The following SIL1 variants were observed in gnomAD, a reference collection of about 807,000 sequenced individuals.
SIL1 encodes the protein SIL1 nucleotide exchange factor.
In SIL1, 40 loss-of-function variants were observed where a neutral mutation model predicts 49.1. The ratio of observed to expected loss-of-function variants is 0.81; its 90% CI spans 0.63 to 1.06. The LOEUF is 1.06. Among genes scored for constraint, SIL1 ranks in the 50% least tolerant of loss-of-function variants. SIL1 has a pLI of 0.00. For missense variants in SIL1, 500 were observed against 572.6 expected, an observed-to-expected ratio of 0.87 and a Z score of 1.29; for synonymous variants, 253 against 250.8, an observed-to-expected ratio of 1.01 and a Z score of -0.08.
intron 3 of SIL1, among the ~76,000 whole-genome samples, chr5:139,084,107 G>C (rs1447181688): frequency 6.6e-6 from 1 of 150,844 alleles, no homozygotes; most frequent in Non-Finnish European, 1.5e-5. Flanking sequence ...TTTGAAGTCA[G>C]GTAGTGTGAT....
chr5:139,078,244 G>C (rs1303431937), intron 3 of SIL1, among the ~76,000 whole-genome samples: 1 of 151,980 alleles, frequency 6.6e-6, no homozygotes, highest in Non-Finnish European at 1.5e-5. Flanking sequence ...AAGAGTTTGA[G>C]ACCAGCCTGA....
intron 1 of SIL1, among the ~76,000 whole-genome samples, chr5:139,184,836 G>A (rs1308413627): frequency 6.6e-6 from 1 of 152,158 alleles, no homozygotes; most frequent in African/African-American, 2.4e-5. Flanking sequence ...GAGCAGAGAG[G>A]CCAAGCTGTC....
intron 3 of SIL1, among the ~76,000 whole-genome samples, chr5:139,069,800 T>C (rs1030757602): frequency 6.6e-6 from 1 of 152,166 alleles, no homozygotes; most frequent in African/African-American, 2.4e-5. Context: ...GAAAATTAGA[T>C]TGTCATCAGC....
At chr5:139,080,313 T>C (rs1450335207) in intron 3 of SIL1, among the ~76,000 whole-genome samples, 2 of 152,204 alleles carry the variant, frequency 1.3e-5, no homozygotes, top group Non-Finnish European at 2.9e-5. Context: ...TGTGGGCTAA[T>C]GTTGTCCTGA....
chr5:138,996,903 T>A (rs1181258883), intron 7 of SIL1, among the ~76,000 whole-genome samples: 1 of 152,150 alleles, frequency 6.6e-6, no homozygotes, highest in Non-Finnish European at 1.5e-5. Context: ...CACAAAAAAA[T>A]CTTTGCCCAG....
At chr5:139,097,634 C>T (rs1394161592) in intron 3 of SIL1, among the ~76,000 whole-genome samples, 5 of 152,004 alleles carry the variant, frequency 3.3e-5, no homozygotes, top group African/African-American at 4.8e-5. Context: ...CACGCCACTA[C>T]GCCTGGCTAA....
chr5:139,061,378 A>T (rs1225761573), intron 3 of SIL1, among the ~76,000 whole-genome samples: 1 of 152,204 alleles, frequency 6.6e-6, no homozygotes, highest in Admixed American at 6.5e-5. Flanking sequence ...AAAGGACAGG[A>T]TGTCCTCCAT....
chr5:138,999,791 G>C (rs763913523), intron 7 of SIL1, among the ~76,000 whole-genome samples: 14 of 152,130 alleles, frequency 9.2e-5, no homozygotes, highest in Non-Finnish European at 1.9e-4. Flanking sequence ...TCTGTTGTTT[G>C]GAAGGCTAAG....
chr5:139,171,895 T>C (rs890010042), intron 1 of SIL1, among the ~76,000 whole-genome samples: 3 of 151,876 alleles, frequency 2.0e-5, no homozygotes, highest in Admixed American at 6.6e-5. Context: ...GATTAAAATA[T>C]CAATAAAGAT....
intron 1 of SIL1, chr5:139,137,408 A>G (rs1750996687): frequency 5.7e-6 from 4 of 700,472 alleles, no homozygotes; most frequent in Non-Finnish European, 1.0e-5. Flanking sequence ...CTCTTTCCAT[A>G]GCCGTGCTGT....
At chr5:139,182,331 AGGAGGG>A (rs1375244095) in intron 1 of SIL1, among the ~76,000 whole-genome samples, 21 of 152,310 alleles carry the variant, frequency 1.4e-4, no homozygotes, top group African/African-American at 5.1e-4. Context: ...CACCTATCTA[AGGAGGG>A]GGTTTGAAGA....
chr5:139,018,801 C>T (rs978348841), intron 7 of SIL1, among the ~76,000 whole-genome samples: 2 of 152,032 alleles, frequency 1.3e-5, no homozygotes, highest in Non-Finnish European at 2.9e-5. Flanking sequence ...GCTTTACAAC[C>T]GTTTTCACAG....
At chr5:139,140,658 G>A (rs1438150761) in intron 1 of SIL1, among the ~76,000 whole-genome samples, 1 of 152,120 alleles carries the variant, frequency 6.6e-6, no homozygotes, top group African/African-American at 2.4e-5. Flanking sequence ...CAATCCCACC[G>A]AATGCCCAGA....
intron 7 of SIL1, among the ~76,000 whole-genome samples, chr5:138,970,122 A>T (rs564818748): frequency 6.6e-6 from 1 of 152,356 alleles, no homozygotes; most frequent in East Asian, 1.9e-4. Flanking sequence ...AGACTGGCAG[A>T]TTGTATTTAT....
chr5:138,947,216 G>A lies in SIL1; in HGVS notation c.1287C>T (p.Tyr429=), dbSNP rs898040878. 6.2e-7 allele frequency: 1 copy of A among 1,613,214 alleles called. No individual in the cohort carries two copies. The highest frequency in any genetic ancestry group is 8.5e-7 in the Non-Finnish European group (1 of 1,179,926). ...GCAGCTCCAGGCTGGCCAGCACCTGGTACTCAGCCTGCAGGCTGGCCAGTG... is the reference window on the plus strand; with the variant it reads ...GCAGCTCCAGGCTGGCCAGCACCTGATACTCAGCCTGCAGGCTGGCCAGTG... The part of the protein sequence containing the change: ...GRTLASLQAE[Y]QVLASLELQD... The change falls in exon 10 of 10, where the codon TAC becomes TAT. Residue 429 remains tyrosine, a synonymous_variant. Coordinates refer to ENST00000394817, the MANE Select transcript of SIL1 (RefSeq NM_022464.5). The surrounding 1 kb of genome is among the most constrained non-coding windows in gnomAD (Gnocchi z 4.1).
At chr5:139,181,193 G>C (rs1561893230) in intron 1 of SIL1, among the ~76,000 whole-genome samples, 1 of 152,062 alleles carries the variant, frequency 6.6e-6, no homozygotes, top group African/African-American at 2.4e-5. Context: ...CAAGCCTCTA[G>C]TGTGACTCTT....
rs145080139 is a variant in SIL1, at chr5:139,020,718, G to A, written c.767+453C>T. Among the ~76,000 whole-genome samples, 553 of 152,248 alleles carry A rather than the reference G, an allele frequency of 3.6e-3. 6 individuals are homozygous for A. The highest frequency in any genetic ancestry group is 0.012 in the African/African-American group (511 of 41,532). On this transcript the variant is annotated intron_variant, in intron 7 of 9. Transcript: ENST00000394817. The stretch of plus-strand genomic sequence containing the variant: ...AATTCTCAACAATTTCCAACCTAGA[G>A]AGGGCGATAATCTGACGGCATGTAC...
intron 3 of SIL1, among the ~76,000 whole-genome samples, chr5:139,092,146 CT>C: frequency 6.6e-6 from 1 of 152,270 alleles, no homozygotes; most frequent in Admixed American, 6.5e-5. Context: ...ATCGCTGGTA[CT>C]GATAAAAAGC....
intron 5 of SIL1, among the ~76,000 whole-genome samples, chr5:139,029,555 G>A (rs1217399889): frequency 1.3e-5 from 2 of 152,040 alleles, no homozygotes; most frequent in African/African-American, 4.8e-5. Context: ...ACGTTGAAGT[G>A]CAGTGGTACA....
Sources: allele counts gnomAD v4.1 joint callset (sites outside exome capture counted in the v4.1 genomes callset), GRCh38; gene constraint gnomAD v4.1.1; non-coding constraint Gnocchi (gnomAD v3.1); transcripts MANE v1.5; gene names NCBI Gene and HGNC (gene_info 2026-07-23, HGNC 2026-07-21).